ALDH3A2: variants seen among roughly 807,000 people sequenced by gnomAD.
ALDH3A2 encodes the protein aldehyde dehydrogenase family 3 member A2.
Under a neutral mutation model 51.3 loss-of-function variants are expected in ALDH3A2, and 36 were observed. That is an observed-to-expected ratio of 0.70 (90% CI 0.54 to 0.93). ALDH3A2 has a LOEUF of 0.93. ALDH3A2 is among the 40% of genes least tolerant of loss of function. The pLI is 0.00. For missense variants in ALDH3A2, 552 were observed against 603.1 expected (o/e 0.92, Z 0.89); for synonymous variants, 199 against 219.8 (o/e 0.91, Z 0.84).
intron 1 of ALDH3A2, chr17:19,649,454 A>G (rs1195260598): frequency 3.8e-5 from 10 of 262,132 alleles, no homozygotes. Context: ...AGTTTACTGT[A>G]TTGTGGATAC....
At chr17:19,673,345 G>GGTTTGT in intron 9 of ALDH3A2, 1 of 1,478,618 alleles carries the variant, frequency 6.8e-7, no homozygotes, top group South Asian at 1.3e-5. Flanking sequence ...AGGGTTTTTT[G>GGTTTGT]GTTTGTTTTT....
At chr17:19,648,457 C>A (rs2152325286), upstream of ALDH3A2, 1 of 154,012 alleles carries the variant, frequency 6.5e-6, no homozygotes, top group South Asian at 1.9e-4. Context: ...TCCGGCAGGG[C>A]GCCCACTCCC....
chr17:19,649,043 G>T lies in ALDH3A2; in HGVS notation c.72G>T (p.Leu24=). 6.3e-7 allele frequency: 1 copy of T among 1,583,736 alleles called. No homozygotes were observed. The highest frequency in any genetic ancestry group is 1.2e-5 in the South Asian group (1 of 86,758). ...SGRSRPLRFR[L]QQLEALRRMV... ...GGTCGCGACCTCTGCGGTTTCGGCT[G>T]CAGCAGCTGGAGGCCCTGCGGAGGA... is the stretch of plus-strand genomic sequence containing the variant. Residue 24 remains leucine (L), a synonymous_variant, in exon 1 of 10, where the codon CTG becomes CTT. Coordinates refer to ENST00000176643, the MANE Select transcript of ALDH3A2 (RefSeq NM_000382.3).
At chr17:19,657,007 CTG>C (rs1181948013) in intron 4 of ALDH3A2, among the ~76,000 whole-genome samples, 4 of 152,206 alleles carry the variant, frequency 2.6e-5, no homozygotes, top group Admixed American at 6.5e-5. Context: ...CATTTTTTAA[CTG>C]TGAATAACAT....
rs1284346835 is a variant in ALDH3A2 at position 19,649,104 on chromosome 17, A to G, written c.133A>G (p.Ile45Val). ...QEREKDILTA[I>V]AADLCKSEFN... ...GCGCGAGAAGGATATCCTGACGGCCATCGCCGCCGACCTGTGCAAGGTACG... is the reference window on the plus strand; with the variant it reads ...GCGCGAGAAGGATATCCTGACGGCCGTCGCCGCCGACCTGTGCAAGGTACG... Residue 45 changes from isoleucine (I) to valine (V), a missense_variant, in exon 1 of 10, where the codon ATC becomes GTC. Ile to Val is a conservative substitution (Grantham distance 29). Coordinates refer to ENST00000176643, the MANE Select transcript of ALDH3A2 (RefSeq NM_000382.3). The G allele has an allele frequency of 3.2e-6, 5 of 1,575,942 alleles. No homozygotes were observed. In the Middle Eastern group the frequency reaches 5.0e-4, roughly 157 times the overall value.
intron 9 of ALDH3A2, chr17:19,674,722 C>T (rs986971742): frequency 2.6e-5 from 4 of 152,194 alleles, no homozygotes; most frequent in South Asian, 4.1e-4. Flanking sequence ...TTCTTTTCCA[C>T]TTTGCTGCTT....
rs772911608 is a variant in ALDH3A2, at chr17:19,671,830, A to G, written c.1317A>G (p.Arg439=). 14 of 1,614,094 alleles carry G rather than the reference A, an allele frequency of 8.7e-6. No individual in the cohort carries two copies. Among genetic ancestry groups the G allele is most frequent in the Middle Eastern group, 1.6e-4 (1 of 6,084 alleles). ...AGAGAGAAGGTGCTAACAAACTCAG[A>G]TATCCTCCCAACAGCCAGTCAAAGG... ...SLKREGANKL[R]YPPNSQSKVD... The change falls in exon 9 of 10, where the codon AGA becomes AGG. Residue 439 remains arginine, a synonymous_variant. Transcript: ENST00000176643.
At chr17:19,651,453 TC>T in intron 1 of ALDH3A2, 93 bp from the exon 2 acceptor site, 1 of 1,055,120 alleles carries the variant, frequency 9.5e-7, no homozygotes, top group Non-Finnish European at 1.5e-6. Context: ...CCAGTTGTTG[TC>T]ACTACAGGTG....
intron 2 of ALDH3A2, 130 bp from the exon 3 acceptor site, chr17:19,652,417 G>C: frequency 1.4e-6 from 1 of 703,536 alleles, no homozygotes; most frequent in Non-Finnish European, 2.5e-6. Context: ...TGCTAATTAT[G>C]AGGATATGCA....
At chr17:19,653,431 G>T (rs2084845936) in intron 3 of ALDH3A2, among the ~76,000 whole-genome samples, 1 of 152,184 alleles carries the variant, frequency 6.6e-6, no homozygotes, top group Non-Finnish European at 1.5e-5. Flanking sequence ...CTTAAAGATG[G>T]TGTGTCCGGA....
chr17:19,659,767 C>T (rs2084943257), intron 5 of ALDH3A2: 1 of 151,244 alleles, frequency 6.6e-6, no homozygotes, highest in South Asian at 2.1e-4. Flanking sequence ...CTTGATCCTC[C>T]TGGGAGGCGG....
At position 19,654,680 on chromosome 17, in the gene ALDH3A2, T is replaced by A. The variant is rs2084870698; in HGVS notation, c.472-1686T>A. On this transcript the variant is annotated intron_variant, in intron 3 of 9. Coordinates refer to ENST00000176643, the MANE Select transcript of ALDH3A2 (RefSeq NM_000382.3). The surrounding 1 kb of genome is among the most constrained non-coding windows in gnomAD (Gnocchi z 4.5). The stretch of plus-strand genomic sequence containing the variant: ...TTGTGAGCGCCACGCGCAGCCCCGG[T>A]TCCTGCCTGCGCCTCTCCCTCCACA... 6.7e-6 allele frequency among the ~76,000 whole-genome samples: 1 copy of A among 149,770 alleles called. No homozygotes were observed. Among genetic ancestry groups the A allele is most frequent in the South Asian group, 2.1e-4 (1 of 4,682 alleles).
chr17:19,666,588 C>A (rs1030878799), intron 8 of ALDH3A2, among the ~76,000 whole-genome samples: 10 of 152,076 alleles, frequency 6.6e-5, no homozygotes, highest in African/African-American at 2.4e-4. Flanking sequence ...ACCAGCCTGG[C>A]CAACATGGTG....
chr17:19,656,870 C>G (rs1241326072), intron 4 of ALDH3A2, among the ~76,000 whole-genome samples: 1 of 152,164 alleles, frequency 6.6e-6, no homozygotes, highest in Non-Finnish European at 1.5e-5. Flanking sequence ...GTTCTTCTGG[C>G]CAGTGATCTG....
chr17:19,656,553 G>C lies in ALDH3A2; in HGVS notation c.659G>C (p.Cys220Ser), dbSNP rs760519248. The C allele has an allele frequency of 4.3e-5, 70 of 1,613,234 alleles. No homozygotes were observed. Among genetic ancestry groups the C allele is most frequent in the Non-Finnish European group, 5.3e-5 (63 of 1,179,638 alleles). ...AGTCCATGTTATATTGATAAAGATT[G>C]TGACCTGGACATTGTTTGCAGGTGA... is the stretch of plus-strand genomic sequence containing the variant. Reference protein sequence around the residue: ...GKSPCYIDKDCDLDIVCRRIT... With the variant: ...GKSPCYIDKDSDLDIVCRRIT... The change falls in exon 4 of 10, where the codon TGT becomes TCT. Residue 220 changes from cysteine (C) to serine (S), a missense_variant. Physicochemically the swap from Cys to Ser is moderately radical, Grantham distance 112. Coordinates refer to ENST00000176643, the MANE Select transcript of ALDH3A2 (RefSeq NM_000382.3).
At chr17:19,648,698 G>A (rs2084768009), upstream of ALDH3A2, 3 of 522,576 alleles carry the variant, frequency 5.7e-6, no homozygotes, top group Non-Finnish European at 1.0e-5. Context: ...CGTGAACAGC[G>A]GCTGTCACGT....
chr17:19,656,170 C>T, intron 3 of ALDH3A2, 196 bp from the exon 4 acceptor site: 2 of 627,462 alleles, frequency 3.2e-6, no homozygotes, highest in Non-Finnish European at 5.7e-6. Context: ...TATGTGGGTT[C>T]ATGCTTCCCA....
At chr17:19,667,766 C>T (rs1178979601) in intron 8 of ALDH3A2, among the ~76,000 whole-genome samples, 2 of 152,142 alleles carry the variant, frequency 1.3e-5, no homozygotes, top group African/African-American at 4.8e-5. Context: ...GCCATGTTAG[C>T]CAGCCTGGTC....
chr17:19,662,580 T>A (rs1466238984), intron 6 of ALDH3A2, among the ~76,000 whole-genome samples: 1 of 152,194 alleles, frequency 6.6e-6, no homozygotes, highest in Non-Finnish European at 1.5e-5. Context: ...CTCCCCAGCA[T>A]CTGTTTCACC....
Sources: allele counts gnomAD v4.1 joint callset (sites outside exome capture counted in the v4.1 genomes callset), GRCh38; gene constraint gnomAD v4.1.1; non-coding constraint Gnocchi (gnomAD v3.1); transcripts MANE v1.5; gene names NCBI Gene and HGNC (gene_info 2026-07-23, HGNC 2026-07-21).